ZZZ3: variants seen among roughly 807,000 people sequenced by gnomAD.
ZZZ3 encodes zinc finger ZZ-type containing 3, also known as ZZ-type zinc finger-containing protein 3.
A neutral mutation model predicts 95.2 loss-of-function variants in ZZZ3; 22 were observed. The ratio of observed to expected loss-of-function variants is 0.23; its 90% CI spans 0.17 to 0.33. The LOEUF (loss-of-function observed/expected upper bound fraction) is 0.33. Among genes scored for constraint, ZZZ3 ranks in the 10% least tolerant of loss-of-function variants. ZZZ3 has a pLI of 1.00. For synonymous variants in ZZZ3, 335 were observed against 358.9 expected (o/e 0.93, Z 0.75); for missense variants, 885 against 1,066.5 (o/e 0.83, Z 2.37).
intron 3 of ZZZ3, 91 bp from the exon 4 acceptor site, chr1:77,639,693 G>T: frequency 2.8e-6 from 1 of 360,602 alleles, no homozygotes; most frequent in Non-Finnish European, 4.9e-6. Context: ...AAGAAATACA[G>T]GTACAGAAAC....
At chr1:77,573,531 G>A (rs17100774) in intron 12 of ZZZ3, among the ~76,000 whole-genome samples, 9,083 of 152,134 alleles carry the variant, frequency 0.06, 507 homozygotes, top group African/African-American at 0.15. Context: ...TCATAACTAC[G>A]TATCTAATCC....
At chr1:77,612,514 T>C (rs1021903024) in intron 5 of ZZZ3, among the ~76,000 whole-genome samples, 4 of 151,992 alleles carry the variant, frequency 2.6e-5, no homozygotes, top group Admixed American at 1.3e-4. Context: ...TTATTCACAA[T>C]AGCTAAGATA....
chr1:77,577,325 T>C (rs966731809), intron 11 of ZZZ3, among the ~76,000 whole-genome samples: 1 of 152,224 alleles, frequency 6.6e-6, no homozygotes, highest in South Asian at 2.1e-4. Context: ...CATGGTTACA[T>C]CTATAAAATT....
chr1:77,674,834 C>A (rs1672110536), intron 1 of ZZZ3, among the ~76,000 whole-genome samples: 1 of 151,606 alleles, frequency 6.6e-6, no homozygotes, highest in Non-Finnish European at 1.5e-5. Flanking sequence ...TGCCTGTAGT[C>A]CCAGCTACTC....
intron 5 of ZZZ3, among the ~76,000 whole-genome samples, chr1:77,598,589 CAATTT>C (rs1164970693): frequency 4.6e-5 from 7 of 152,130 alleles, no homozygotes; most frequent in Admixed American, 1.3e-4. Context: ...TGAAATATCA[CAATTT>C]AAGAGATCCC....
chr1:77,672,317 A>G (rs368740122), intron 1 of ZZZ3, among the ~76,000 whole-genome samples: 1 of 152,204 alleles, frequency 6.6e-6, no homozygotes, highest in South Asian at 2.1e-4. Flanking sequence ...GGTTTAGTTT[A>G]AAACACATAT....
chr1:77,575,199 GA>G (rs1487391743), intron 12 of ZZZ3, among the ~76,000 whole-genome samples: 4 of 151,152 alleles, frequency 2.6e-5, no homozygotes, highest in African/African-American at 7.3e-5. Context: ...GAAAGAAAAA[GA>G]AAAAAAAGGG....
intron 3 of ZZZ3, among the ~76,000 whole-genome samples, chr1:77,640,396 C>T (rs1358240169): frequency 4.6e-5 from 7 of 151,786 alleles, no homozygotes; most frequent in Non-Finnish European, 2.9e-5. Flanking sequence ...GTCAGGAGTT[C>T]GAGACCAGCC....
chr1:77,629,911 T>C (rs1305077573), intron 5 of ZZZ3, among the ~76,000 whole-genome samples: 2 of 152,244 alleles, frequency 1.3e-5, no homozygotes, highest in Non-Finnish European at 2.9e-5. Flanking sequence ...GGAATATCAA[T>C]GTTATGACTG....
chr1:77,580,961 T>C, intron 9 of ZZZ3, 37 bp downstream of exon 9: 2 of 1,567,606 alleles, frequency 1.3e-6, no homozygotes, highest in Non-Finnish European at 8.8e-7. Context: ...TGTTTACTTG[T>C]TTTTTTAAGC....
chr1:77,681,706 A>G (rs559200706), intron 1 of ZZZ3, among the ~76,000 whole-genome samples: 65 of 152,270 alleles, frequency 4.3e-4, no homozygotes, highest in African/African-American at 1.6e-3. Context: ...AGCCTGGCCA[A>G]CATGGTGAAA....
Position 77,581,771 on chromosome 1 carries a change from C to T in ZZZ3, c.1908+5G>A. 6.2e-7 allele frequency: 1 copy of T among 1,604,688 alleles called. No homozygotes were observed. Among genetic ancestry groups the T allele is most frequent in the East Asian group, 2.2e-5 (1 of 44,826 alleles). On this transcript the variant is annotated splice_donor_5th_base_variant and intron_variant, in intron 8 of 14. Coordinates refer to ENST00000370801, the MANE Select transcript of ZZZ3 (RefSeq NM_015534.6). ...TCTCCTACTCCAATATTTCACACTG[C>T]TTACCTGAGGACGACTGCTTGAGCC... is the stretch of plus-strand genomic sequence containing the variant.
At chr1:77,657,651 G>A (rs1160946549) in intron 1 of ZZZ3, among the ~76,000 whole-genome samples, 2 of 152,166 alleles carry the variant, frequency 1.3e-5, no homozygotes, top group East Asian at 3.8e-4. Context: ...GTTCACAAAC[G>A]TGGAATCCAA....
At chr1:77,618,805 G>A (rs1171797100) in intron 5 of ZZZ3, among the ~76,000 whole-genome samples, 1 of 152,130 alleles carries the variant, frequency 6.6e-6, no homozygotes, top group Non-Finnish European at 1.5e-5. Context: ...ACTTGTATAG[G>A]AAATTTTAAA....
chr1:77,565,870 TGTTTAAA>T, intron 14 of ZZZ3, 86 bp from the exon 15 acceptor site: 1 of 1,342,366 alleles, frequency 7.4e-7, no homozygotes, highest in Non-Finnish European at 1.0e-6. Flanking sequence ...CAGCTCTCCC[TGTTTAAA>T]TCCATTAATC....
intron 1 of ZZZ3, among the ~76,000 whole-genome samples, chr1:77,663,663 T>A (rs1027095073): frequency 6.6e-6 from 1 of 152,196 alleles, no homozygotes; most frequent in African/African-American, 2.4e-5. Flanking sequence ...TGGTACTTCA[T>A]TTGTTTTTTC....
chr1:77,659,094 T>A (rs1670551145), intron 1 of ZZZ3, among the ~76,000 whole-genome samples: 1 of 152,148 alleles, frequency 6.6e-6, no homozygotes, highest in Admixed American at 6.6e-5. Context: ...GGCACATGCC[T>A]GTAATCCCAG....
intron 5 of ZZZ3, among the ~76,000 whole-genome samples, chr1:77,600,759 A>G (rs1664652544): frequency 6.6e-6 from 1 of 152,156 alleles, no homozygotes; most frequent in Non-Finnish European, 1.5e-5. Flanking sequence ...GAGTGAAAAA[A>G]GAGTTGAGAC....
intron 5 of ZZZ3, among the ~76,000 whole-genome samples, chr1:77,609,801 A>T (rs1211896766): frequency 6.6e-6 from 1 of 152,136 alleles, no homozygotes; most frequent in Non-Finnish European, 1.5e-5. Flanking sequence ...TGGGTCAATG[A>T]AGAAATTTAA....
Sources: allele counts gnomAD v4.1 joint callset (sites outside exome capture counted in the v4.1 genomes callset), GRCh38; gene constraint gnomAD v4.1.1; transcripts MANE v1.5; gene names NCBI Gene and HGNC (gene_info 2026-07-23, HGNC 2026-07-21).